The following DUSP13B variants were observed in gnomAD, a reference collection of about 807,000 sequenced individuals.
DUSP13B encodes the protein dual specificity protein phosphatase 13B.
the DUSP13B span, chr10:75,108,200 T>C: frequency 6.2e-7 from 1 of 1,604,034 alleles, no homozygotes; most frequent in Non-Finnish European, 8.5e-7. Context: ...AGCGGTTGTT[T>C]GCCGTGGCCC....
the DUSP13B span, chr10:75,097,783 C>G: frequency 5.6e-6 from 9 of 1,613,930 alleles, no homozygotes; most frequent in Non-Finnish European, 6.8e-6. Context: ...GGACCCACAG[C>G]AAGCGCTGCA....
At chr10:75,106,571 G>A in the DUSP13B span, among the ~76,000 whole-genome samples, 11 of 152,224 alleles carry the variant, frequency 7.2e-5, no homozygotes, top group Admixed American at 7.2e-4. Flanking sequence ...GTAGAGGGAA[G>A]TCCCCCCACC....
At chr10:75,105,125 C>T in the DUSP13B span, among the ~76,000 whole-genome samples, 1 of 152,110 alleles carries the variant, frequency 6.6e-6, no homozygotes, top group East Asian at 1.9e-4. Context: ...ACCGTGGAGG[C>T]CTGGCCTTAG....
the DUSP13B span, chr10:75,094,824 A>G: frequency 6.2e-7 from 1 of 1,614,226 alleles, no homozygotes; most frequent in South Asian, 1.1e-5. Context: ...GAGGAAGGCC[A>G]GGACAAGTGT....
At chr10:75,109,004 C>A in the DUSP13B span, 1 of 1,598,424 alleles carries the variant, frequency 6.3e-7, no homozygotes, top group Non-Finnish European at 8.5e-7. Flanking sequence ...CCAGCTACCA[C>A]TCACGCATCT....
chr10:75,098,875 T>C, the DUSP13B span, among the ~76,000 whole-genome samples: 1 of 152,220 alleles, frequency 6.6e-6, no homozygotes, highest in African/African-American at 2.4e-5. Context: ...ATACGGCTCA[T>C]GAGTAGCAAG....
chr10:75,098,978 C>T, the DUSP13B span: 1 of 1,232,150 alleles, frequency 8.1e-7, no homozygotes, highest in South Asian at 4.1e-5. Flanking sequence ...TCAAGGGAGC[C>T]TGGTACTGCT....
chr10:75,101,817 A>C, the DUSP13B span: 2 of 1,224,848 alleles, frequency 1.6e-6, no homozygotes, highest in Non-Finnish European at 1.1e-6. Context: ...ATTACCCAGC[A>C]TGCTCAGGGA....
At chr10:75,100,634 C>A in the DUSP13B span, among the ~76,000 whole-genome samples, 1 of 152,216 alleles carries the variant, frequency 6.6e-6, no homozygotes. Flanking sequence ...CCACTCCCTG[C>A]AGTCTTCCTT....
the DUSP13B span, among the ~76,000 whole-genome samples, chr10:75,098,505 T>C: frequency 4.3e-4 from 65 of 152,302 alleles, no homozygotes; most frequent in African/African-American, 1.4e-3. Flanking sequence ...CTCACACTTG[T>C]AATCCCAGCA....
the DUSP13B span, chr10:75,105,680 C>T: frequency 2.5e-5 from 39 of 1,549,006 alleles, no homozygotes; most frequent in Admixed American, 7.8e-5. Context: ...CAGCTCTGGC[C>T]GGCACCCCGC....
At chr10:75,104,735 C>T in the DUSP13B span, among the ~76,000 whole-genome samples, 1 of 152,146 alleles carries the variant, frequency 6.6e-6, no homozygotes, top group Admixed American at 6.5e-5. Flanking sequence ...TCACAGTCAC[C>T]CCCAAACTCT....
At chr10:75,100,781 G>A in the DUSP13B span, among the ~76,000 whole-genome samples, 1 of 152,206 alleles carries the variant, frequency 6.6e-6, no homozygotes, top group African/African-American at 2.4e-5. Flanking sequence ...TCTTTTCTGT[G>A]TTTGCATCTC....
At chr10:75,104,490 G>A in the DUSP13B span, among the ~76,000 whole-genome samples, 4 of 152,262 alleles carry the variant, frequency 2.6e-5, no homozygotes, top group Non-Finnish European at 5.9e-5. Context: ...GAAAGATGCT[G>A]AGGTCAGAGG....
the DUSP13B span, among the ~76,000 whole-genome samples, chr10:75,106,101 C>CTTTT: frequency 1.7e-4 from 21 of 122,978 alleles, no homozygotes; most frequent in South Asian, 2.6e-4. Flanking sequence ...TCTTTCTTTT[C>CTTTT]TTTTTTTTTT....
chr10:75,099,274 C>T, the DUSP13B span: 13 of 1,232,290 alleles, frequency 1.1e-5, no homozygotes, highest in South Asian at 3.3e-4. Context: ...GTAGGCAGTG[C>T]CAGGACCAGA....
At chr10:75,094,776 T>C in the DUSP13B span, 2 of 1,614,174 alleles carry the variant, frequency 1.2e-6, no homozygotes, top group Admixed American at 1.7e-5. Flanking sequence ...CTGCACCGTC[T>C]GGATGGCCTC....
At chr10:75,101,992 C>G in the DUSP13B span, 3 of 1,357,052 alleles carry the variant, frequency 2.2e-6, no homozygotes, top group Non-Finnish European at 3.0e-6. Flanking sequence ...AATTATAAAG[C>G]ATGCTGTCTA....
chr10:75,099,369 A>G, the DUSP13B span: 1 of 1,232,232 alleles, frequency 8.1e-7, no homozygotes, highest in Non-Finnish European at 1.0e-6. Context: ...GTGAAGACCA[A>G]GCTGTCCTCC....
Sources: allele counts gnomAD v4.1 joint callset (sites outside exome capture counted in the v4.1 genomes callset), GRCh38; gene constraint gnomAD v4.1.1; transcripts MANE v1.5; gene names NCBI Gene and HGNC (gene_info 2026-07-23, HGNC 2026-07-21).